The following OSBPL10 variants were observed in gnomAD, a reference collection of about 807,000 sequenced individuals.
OSBPL10 encodes oxysterol-binding protein-related protein 10.
A neutral mutation model predicts 81.7 loss-of-function variants in OSBPL10; 49 were observed. The observed-to-expected ratio is 0.60, with a 90% CI of 0.48 to 0.76. OSBPL10 has a LOEUF of 0.76. Among genes scored for constraint, OSBPL10 ranks in the 30% least tolerant of loss-of-function variants. OSBPL10 has a pLI of 0.00. For synonymous variants in OSBPL10, 419 were observed against 383.6 expected (o/e 1.09, Z -1.08); for missense variants, 923 against 987.8 (o/e 0.93, Z 0.88).
At chr3:31,763,490 T>C (rs2125727906) in intron 4 of OSBPL10, among the ~76,000 whole-genome samples, 1 of 152,342 alleles carries the variant, frequency 6.6e-6, no homozygotes, top group South Asian at 2.1e-4. Flanking sequence ...AATCTGGATT[T>C]TATGGAAATT....
At chr3:31,670,256 A>G (rs1349580467) in intron 9 of OSBPL10, among the ~76,000 whole-genome samples, 1 of 152,260 alleles carries the variant, frequency 6.6e-6, no homozygotes, top group East Asian at 1.9e-4. Context: ...CTTACACAGT[A>G]GAGCTGTGCT....
intron 1 of OSBPL10, among the ~76,000 whole-genome samples, chr3:31,892,482 G>A (rs1397912500): frequency 2.6e-5 from 4 of 152,158 alleles, no homozygotes; most frequent in African/African-American, 7.2e-5. Flanking sequence ...GCAGAGACTC[G>A]CTTTCTCTCA....
intron 3 of OSBPL10, among the ~76,000 whole-genome samples, chr3:31,846,366 G>A (rs1700631715): frequency 6.6e-6 from 1 of 152,066 alleles, no homozygotes; most frequent in Non-Finnish European, 1.5e-5. Context: ...ACTCATGCCT[G>A]TAATCCCAGC....
In OSBPL10 at chr3:32,060,914, G is replaced by A. The variant is rs191900244; in HGVS notation, n.186-14311C>T. 3.0e-4 allele frequency among the ~76,000 whole-genome samples: 25 copies of A among 83,670 alleles called. 6 individuals are homozygous for A. Among genetic ancestry groups the A allele is most frequent in the African/African-American group, 7.5e-4 (25 of 33,158 alleles). 54.9% of individuals were successfully genotyped at this position (83,670 alleles called of 152,430 possible). A position where few individuals can be genotyped will look rare whatever the true frequency, so the allele number is the denominator to read the frequency against. ...CTTGAACCTGGGAGGCGGAGGTTTC[G>A]GTGAGCCGAGATCACACCATTGCAC... On this transcript the variant is annotated intron_variant and non_coding_transcript_variant, in intron 1 of 3. Transcript: ENST00000479173.
intron 4 of OSBPL10, among the ~76,000 whole-genome samples, chr3:31,769,712 C>A (rs1475300597): frequency 6.6e-6 from 1 of 151,870 alleles, no homozygotes; most frequent in Non-Finnish European, 1.5e-5. Context: ...GCCATATAGG[C>A]TGTCAGTTCC....
chr3:31,933,406 AT>A (rs372720220), intron 1 of OSBPL10, among the ~76,000 whole-genome samples: 152 of 147,988 alleles, frequency 1.0e-3, no homozygotes, highest in South Asian at 1.5e-3. Context: ...GAAACAATAA[AT>A]TTTTTTTTTT....
At chr3:32,048,310 A>ATTTTTT (rs71068027) in intron 1 of OSBPL10, among the ~76,000 whole-genome samples, 2,607 of 134,322 alleles carry the variant, frequency 0.019, 97 homozygotes, top group African/African-American at 0.063. Context: ...CACTACTACT[A>ATTTTTT]TTTTTTTTTT....
intron 4 of OSBPL10, among the ~76,000 whole-genome samples, chr3:31,823,213 T>C (rs1358089839): frequency 2.0e-5 from 3 of 152,178 alleles, no homozygotes; most frequent in African/African-American, 4.8e-5. Context: ...ACAATCCACA[T>C]AGTTACCTAA....
At chr3:31,846,452 C>A (rs1029189079) in intron 3 of OSBPL10, among the ~76,000 whole-genome samples, 1 of 151,900 alleles carries the variant, frequency 6.6e-6, no homozygotes, top group African/African-American at 2.4e-5. Context: ...GGTAAAACCC[C>A]GTCTCTACTA....
At chr3:31,936,427 G>A (rs576452145) in intron 1 of OSBPL10, among the ~76,000 whole-genome samples, 3 of 152,250 alleles carry the variant, frequency 2.0e-5, no homozygotes, top group Non-Finnish European at 4.4e-5. Context: ...GAATAAATGT[G>A]CATATTTATA....
chr3:31,987,190 A>G (rs1698946862), intron 2 of OSBPL10, among the ~76,000 whole-genome samples: 1 of 152,146 alleles, frequency 6.6e-6, no homozygotes, highest in Admixed American at 6.6e-5. Flanking sequence ...ATAGTTGTAT[A>G]TCATTTTATT....
chr3:31,793,402 G>T, intron 4 of OSBPL10, among the ~76,000 whole-genome samples: 1 of 152,156 alleles, frequency 6.6e-6, no homozygotes, highest in East Asian at 1.9e-4. Context: ...AAAACATATG[G>T]AGGGCTTTTA....
chr3:31,931,905 G>A (rs1319331534), intron 1 of OSBPL10, among the ~76,000 whole-genome samples: 18 of 152,176 alleles, frequency 1.2e-4, no homozygotes, highest in Non-Finnish European at 2.9e-5. Context: ...AGCCAGACAA[G>A]GTGGTGTGTG....
At position 32,049,898 on chromosome 3, in the gene OSBPL10, C is replaced by T. The variant is rs188382782; in HGVS notation, n.186-3295G>A. Among the ~76,000 whole-genome samples the T allele has an allele frequency of 2.3e-3, 347 of 152,276 alleles. 4 individuals are homozygous for T. Among genetic ancestry groups the T allele is most frequent in the African/African-American group, 7.7e-3 (318 of 41,562 alleles). ...CTGGCCTCCCCGAGCTCCTTGCCTT[C>T]CCCACCTCGCTGCAGTCAACACTTT... On this transcript the variant is annotated intron_variant and non_coding_transcript_variant, in intron 1 of 3. Transcript: ENST00000479173.
At chr3:31,965,274 G>C (rs1303908858) in intron 1 of OSBPL10, among the ~76,000 whole-genome samples, 1 of 149,014 alleles carries the variant, frequency 6.7e-6, no homozygotes, top group African/African-American at 2.5e-5. Context: ...GGAAGCTAAG[G>C]CAGGAGAATG....
At chr3:31,950,373 G>A (rs1185745294) in intron 1 of OSBPL10, among the ~76,000 whole-genome samples, 1 of 152,148 alleles carries the variant, frequency 6.6e-6, no homozygotes, top group Non-Finnish European at 1.5e-5. Context: ...CTGTCTTTCT[G>A]ATAATCAGAG....
At chr3:31,963,176 A>C (rs1006980588) in intron 1 of OSBPL10, among the ~76,000 whole-genome samples, 1 of 151,762 alleles carries the variant, frequency 6.6e-6, no homozygotes, top group African/African-American at 2.4e-5. Context: ...CATGCTCTCT[A>C]GCCATCTCTC....
intron 2 of OSBPL10, among the ~76,000 whole-genome samples, chr3:32,016,820 G>T (rs917900853): frequency 6.6e-6 from 1 of 152,126 alleles, no homozygotes; most frequent in Non-Finnish European, 1.5e-5. Flanking sequence ...ATTAAACATC[G>T]CATTAGCAGA....
At chr3:31,799,242 C>G (rs1042194498) in intron 4 of OSBPL10, among the ~76,000 whole-genome samples, 1 of 151,972 alleles carries the variant, frequency 6.6e-6, no homozygotes, top group Non-Finnish European at 1.5e-5. Flanking sequence ...ACAGAGTAAT[C>G]AAGCATAGTC....
Sources: allele counts gnomAD v4.1 joint callset (sites outside exome capture counted in the v4.1 genomes callset), GRCh38; gene constraint gnomAD v4.1.1; transcripts MANE v1.5; gene names NCBI Gene and HGNC (gene_info 2026-07-23, HGNC 2026-07-21).